The following CNBD1 variants were observed in gnomAD, a reference collection of about 807,000 sequenced individuals.
The protein encoded by CNBD1 is cyclic nucleotide-binding domain-containing protein 1.
CNBD1 carries 71 observed loss-of-function variants against 54.4 expected under a neutral mutation model. The observed-to-expected ratio is 1.30, with a 90% CI of 1.08 to 1.59. The LOEUF (loss-of-function observed/expected upper bound fraction) is 1.59. Ranked by LOEUF, CNBD1 falls within the 40% of genes most tolerant of loss-of-function variation. CNBD1 has a pLI of 0.00. For synonymous variants in CNBD1, 182 were observed against 170.7 expected (o/e 1.07, Z -0.51); for missense variants, 659 against 518.0 (o/e 1.27, Z -2.64).
intron 4 of CNBD1, among the ~76,000 whole-genome samples, chr8:87,037,715 A>G (rs1586214330): frequency 6.6e-6 from 1 of 152,166 alleles, no homozygotes. Context: ...GCTACTGATA[A>G]TTAAAACTTT....
chr8:87,423,805 A>G (rs1167231738), intron 2 of CNBD1, among the ~76,000 whole-genome samples: 2 of 152,078 alleles, frequency 1.3e-5, no homozygotes, highest in African/African-American at 2.4e-5. Flanking sequence ...TGAGTTAGGG[A>G]GGATTCCCTC....
intron 8 of CNBD1, among the ~76,000 whole-genome samples, chr8:87,317,136 C>T (rs1391747092): frequency 6.6e-6 from 1 of 151,598 alleles, no homozygotes; most frequent in Non-Finnish European, 1.5e-5. Flanking sequence ...TTCTATTTAT[C>T]TTCTCAAAGA....
chr8:87,371,693 C>A (rs1041065432), intron 10 of CNBD1, among the ~76,000 whole-genome samples: 1 of 151,954 alleles, frequency 6.6e-6, no homozygotes, highest in Non-Finnish European at 1.5e-5. Context: ...ATATGCAAAT[C>A]AATAAATGTA....
intron 8 of CNBD1, among the ~76,000 whole-genome samples, chr8:87,334,722 TTC>T (rs376196674): frequency 0.12 from 14,703 of 126,308 alleles, 902 homozygotes; most frequent in African/African-American, 0.2. Flanking sequence ...CTTTTTTCTT[TTC>T]TTTTTTTTTT....
chr8:87,084,707 A>T (rs1811064109), intron 4 of CNBD1, among the ~76,000 whole-genome samples: 1 of 144,406 alleles, frequency 6.9e-6, no homozygotes. Flanking sequence ...ATGGAGTTTC[A>T]CTCTTGTTGC....
chr8:87,042,760 A>G (rs1315606661), intron 4 of CNBD1, among the ~76,000 whole-genome samples: 2 of 152,116 alleles, frequency 1.3e-5, no homozygotes, highest in Non-Finnish European at 2.9e-5. Flanking sequence ...ATAATTATAC[A>G]ATAAACATGT....
intron 4 of CNBD1, among the ~76,000 whole-genome samples, chr8:87,161,328 C>A (rs573825085): frequency 1.3e-5 from 2 of 152,230 alleles, no homozygotes; most frequent in South Asian, 2.1e-4. Flanking sequence ...CAAGAACTTA[C>A]AATCGTAGAT....
At chr8:87,358,509 CTG>C (rs1269139794) in intron 10 of CNBD1, among the ~76,000 whole-genome samples, 2 of 151,920 alleles carry the variant, frequency 1.3e-5, no homozygotes, top group South Asian at 2.1e-4. Flanking sequence ...GGCAAATACA[CTG>C]TGGACTCTTT....
chr8:87,398,431 C>CA (rs1431074359), intron 2 of CNBD1, among the ~76,000 whole-genome samples: 3 of 151,592 alleles, frequency 2.0e-5, no homozygotes, highest in African/African-American at 7.3e-5. Context: ...TGATATGTAC[C>CA]AAAAAATGTA....
At chr8:86,946,104 C>T (rs929198988) in intron 4 of CNBD1, among the ~76,000 whole-genome samples, 1 of 152,160 alleles carries the variant, frequency 6.6e-6, no homozygotes, top group Non-Finnish European at 1.5e-5. Context: ...AATCTCCCCT[C>T]TCCCAAAGAA....
intron 5 of CNBD1, among the ~76,000 whole-genome samples, chr8:87,233,519 C>A (rs965278696): frequency 6.6e-6 from 1 of 152,176 alleles, no homozygotes; most frequent in Non-Finnish European, 1.5e-5. Flanking sequence ...CTAATGACTA[C>A]GTGAACCTTC....
At chr8:87,388,248 A>G (rs547598930) in intron 2 of CNBD1, among the ~76,000 whole-genome samples, 1 of 152,304 alleles carries the variant, frequency 6.6e-6, no homozygotes, top group East Asian at 1.9e-4. Context: ...AGAAATAACT[A>G]AAATCAGAGC....
At chr8:87,427,994 G>GAT (rs1163377127) in intron 2 of CNBD1, among the ~76,000 whole-genome samples, 23 of 152,004 alleles carry the variant, frequency 1.5e-4, no homozygotes, top group Admixed American at 1.5e-3. Flanking sequence ...AGGGTAGCCT[G>GAT]ATATACTCTC....
chr8:87,373,824 C>G (rs1205956154), intron 10 of CNBD1, among the ~76,000 whole-genome samples: 1 of 151,674 alleles, frequency 6.6e-6, no homozygotes, highest in Non-Finnish European at 1.5e-5. Context: ...CTGTGTAAAC[C>G]TTAAACTTCA....
At chr8:87,095,948 A>G (rs566050601) in intron 4 of CNBD1, among the ~76,000 whole-genome samples, 13 of 152,230 alleles carry the variant, frequency 8.5e-5, no homozygotes, top group South Asian at 8.3e-4. Context: ...ATGAGCCACA[A>G]CGCCCGGCCC....
chr8:86,954,030 A>G (rs1487780954), intron 4 of CNBD1, among the ~76,000 whole-genome samples: 13 of 152,260 alleles, frequency 8.5e-5, no homozygotes, highest in South Asian at 2.1e-4. Flanking sequence ...TCAGGTTATT[A>G]TAAGTCATCC....
intron 1 of CNBD1, among the ~76,000 whole-genome samples, chr8:86,872,132 A>G (rs888239797): frequency 6.6e-6 from 1 of 152,176 alleles, no homozygotes; most frequent in African/African-American, 2.4e-5. Flanking sequence ...AATCTGGCCT[A>G]TAAGGAACAG....
At chr8:87,206,475 A>G (rs1813978906) in intron 5 of CNBD1, among the ~76,000 whole-genome samples, 1 of 152,152 alleles carries the variant, frequency 6.6e-6, no homozygotes, top group African/African-American at 2.4e-5. Context: ...CATTTATAAT[A>G]CCTCAGGTGA....
At chr8:86,975,290 A>C (rs1808315610) in intron 4 of CNBD1, among the ~76,000 whole-genome samples, 1 of 151,974 alleles carries the variant, frequency 6.6e-6, no homozygotes, top group African/African-American at 2.4e-5. Flanking sequence ...AATGTACAAT[A>C]CATTATTATT....
Sources: allele counts gnomAD v4.1 joint callset (sites outside exome capture counted in the v4.1 genomes callset), GRCh38; gene constraint gnomAD v4.1.1; transcripts MANE v1.5; gene names NCBI Gene and HGNC (gene_info 2026-07-23, HGNC 2026-07-21).